CSNK1G3: variants seen among roughly 807,000 people sequenced by gnomAD.
CSNK1G3 encodes the protein casein kinase 1 gamma 3.
Under a neutral mutation model 64.3 loss-of-function variants are expected in CSNK1G3, and 23 were observed. The observed-to-expected ratio is 0.36, with a 90% CI of 0.26 to 0.51. The LOEUF (loss-of-function observed/expected upper bound fraction) is 0.51. CSNK1G3 is among the 20% of genes least tolerant of loss of function. The pLI is 0.96. For synonymous variants in CSNK1G3, 158 were observed against 162.2 expected, an observed-to-expected ratio of 0.97 and a Z score of 0.20; for missense variants, 357 against 510.5, an observed-to-expected ratio of 0.70 and a Z score of 2.90.
At chr5:123,604,855 A>G in intron 11 of CSNK1G3, 25 bp downstream of exon 12, 6 of 1,523,848 alleles carry the variant, frequency 3.9e-6, no homozygotes, top group Non-Finnish European at 5.4e-6. Context: ...TACTTGTTTT[A>G]GTAACTTTTT....
At chr5:123,532,616 G>A (rs921199855) in intron 1 of CSNK1G3, among the ~76,000 whole-genome samples, 1 of 151,778 alleles carries the variant, frequency 6.6e-6, no homozygotes, top group African/African-American at 2.4e-5. Context: ...CTCCACAGCT[G>A]TCTCCACTAT....
At chr5:123,593,386 C>T (rs1249004341) in intron 10 of CSNK1G3, among the ~76,000 whole-genome samples, 1 of 151,934 alleles carries the variant, frequency 6.6e-6, no homozygotes, top group Non-Finnish European at 1.5e-5. Context: ...ACAAGAAACC[C>T]ACAGTTCACA....
chr5:123,594,453 T>G (rs1313484040), intron 10 of CSNK1G3, among the ~76,000 whole-genome samples: 1 of 152,182 alleles, frequency 6.6e-6, no homozygotes, highest in East Asian at 1.9e-4. Context: ...AAAAATTGTT[T>G]TGTCATATTC....
chr5:123,597,244 C>A (rs1793607644), intron 10 of CSNK1G3, among the ~76,000 whole-genome samples: 2 of 152,110 alleles, frequency 1.3e-5, no homozygotes, highest in African/African-American at 4.8e-5. Context: ...ACCTGTTGAA[C>A]AAACTTTCAA....
At chr5:123,581,871 CT>C (rs1201661653) in intron 6 of CSNK1G3, among the ~76,000 whole-genome samples, 5 of 151,362 alleles carry the variant, frequency 3.3e-5, no homozygotes, top group Admixed American at 6.6e-5. Context: ...TAATTTTTAT[CT>C]TTTTTTTACT....
chr5:123,532,634 G>A (rs1304880529), intron 1 of CSNK1G3, among the ~76,000 whole-genome samples: 1 of 151,688 alleles, frequency 6.6e-6, no homozygotes, highest in Non-Finnish European at 1.5e-5. Context: ...TATTATTGAT[G>A]GCGTCTGTTT....
At chr5:123,549,747 T>G (rs1056737059) in intron 2 of CSNK1G3, among the ~76,000 whole-genome samples, 1 of 152,210 alleles carries the variant, frequency 6.6e-6, no homozygotes, top group Non-Finnish European at 1.5e-5. Context: ...TAGAATTTGT[T>G]AAGTATAGTA....
chr5:123,592,462 T>G (rs928000344), intron 10 of CSNK1G3, among the ~76,000 whole-genome samples: 18 of 151,392 alleles, frequency 1.2e-4, no homozygotes. Context: ...TCTCTCTCTT[T>G]CTCTTTTTTT....
At chr5:123,533,991 C>T (rs1780397009) in intron 1 of CSNK1G3, among the ~76,000 whole-genome samples, 1 of 151,276 alleles carries the variant, frequency 6.6e-6, no homozygotes, top group African/African-American at 2.4e-5. Context: ...TTTTTTTCTT[C>T]ATAAAATTCT....
chr5:123,573,680 G>A, intron 5 of CSNK1G3, 139 bp downstream of exon 5: 1 of 635,418 alleles, frequency 1.6e-6, no homozygotes. Flanking sequence ...TTTTCATGTT[G>A]TCTTTCTGGG....
chr5:123,594,859 G>GCAATGAT (rs1322002135), intron 10 of CSNK1G3, among the ~76,000 whole-genome samples, 180 bp from the exon 11 acceptor site: 2 of 151,944 alleles, frequency 1.3e-5, no homozygotes, highest in East Asian at 3.9e-4. Flanking sequence ...ACACAATTTG[G>GCAATGAT]CAACTTAATT....
chr5:123,513,785 C>G (rs926564460), intron 1 of CSNK1G3, among the ~76,000 whole-genome samples: 1 of 152,064 alleles, frequency 6.6e-6, no homozygotes, highest in African/African-American at 2.4e-5. Flanking sequence ...AGAAGAAAAA[C>G]ATTACAGAAA....
intron 1 of CSNK1G3, among the ~76,000 whole-genome samples, chr5:123,536,703 AAAT>A (rs1780892351): frequency 6.6e-6 from 1 of 152,086 alleles, no homozygotes; most frequent in Non-Finnish European, 1.5e-5. Flanking sequence ...AAAACTTCTA[AAAT>A]AAAATATTAA....
chr5:123,518,985 C>T (rs1376220758), intron 1 of CSNK1G3, among the ~76,000 whole-genome samples: 1 of 152,152 alleles, frequency 6.6e-6, no homozygotes, highest in East Asian at 1.9e-4. Context: ...GTCTCGAACT[C>T]CTGGCCTCAA....
chr5:123,557,868 C>G lies in CSNK1G3; in HGVS notation c.289+304C>G, dbSNP rs544046034. Among the ~76,000 whole-genome samples the G allele has an allele frequency of 7.9e-5, 12 of 152,198 alleles. No homozygotes were observed. The East Asian group carries it at 2.3e-3, about 29-fold the overall frequency. ...CTATTATAGCTGTTGAAGTGACTTA[C>G]AATATAGTGGTAGGCTGAAAAATGG... On this transcript the variant is annotated intron_variant, in intron 4 of 12. Coordinates refer to ENST00000345990, the Ensembl canonical transcript of CSNK1G3.
chr5:123,556,541 C>A lies in CSNK1G3; in HGVS notation c.220-954C>A, dbSNP rs534126068. Among the ~76,000 whole-genome samples the A allele has an allele frequency of 1.4e-3, 213 of 152,050 alleles. 1 individual carries two copies. Among genetic ancestry groups the A allele is most frequent in the African/African-American group, 4.9e-3 (203 of 41,528 alleles). ...CTGCCTTACAGTTTCCAAATTCTCT[C>A]TTCTGTTAATCTGCTGGCAAAATGA... On this transcript the variant is annotated intron_variant, in intron 3 of 12. Transcript: ENST00000345990.
intron 1 of CSNK1G3, among the ~76,000 whole-genome samples, chr5:123,514,492 T>C (rs1271531475): frequency 6.6e-6 from 1 of 152,172 alleles, no homozygotes; most frequent in Non-Finnish European, 1.5e-5. Context: ...GTGGGTAGAA[T>C]ATGAAGATGA....
chr5:123,579,470 C>T (rs116081096), intron 6 of CSNK1G3, among the ~76,000 whole-genome samples: 3,047 of 151,920 alleles, frequency 0.02, 106 homozygotes, highest in African/African-American at 0.07. Context: ...AAACCAGGCA[C>T]ACCTATATTT....
chr5:123,585,488 T>A (rs1791156476), intron 6 of CSNK1G3, among the ~76,000 whole-genome samples: 1 of 152,148 alleles, frequency 6.6e-6, no homozygotes, highest in Non-Finnish European at 1.5e-5. Context: ...CATCAAAATG[T>A]AAAATTTCTT....
Sources: gnomAD v4.1 joint callset for allele counts (sites outside exome capture counted in the v4.1 genomes callset) on GRCh38, gnomAD v4.1.1 for gene constraint, MANE v1.5 for transcripts, NCBI Gene and HGNC (gene_info 2026-07-23, HGNC 2026-07-21) for gene names.